SHLD1: variants seen among roughly 807,000 people sequenced by gnomAD.
The protein encoded by SHLD1 is shieldin complex subunit 1, also known as RINN1-REV7-interacting novel NHEJ regulator 3.
In SHLD1, 3 loss-of-function variants were observed where a neutral mutation model predicts 5.5. The ratio of observed to expected loss-of-function variants is 0.54; its 90% CI spans 0.25 to 1.40. The LOEUF is 1.40. Among genes scored for constraint, SHLD1 ranks in the 40% most tolerant of loss-of-function variants. The pLI is 0.15. For missense variants in SHLD1, 210 were observed against 244.4 expected (o/e 0.86, Z 0.94); for synonymous variants, 92 against 94.3 (o/e 0.98, Z 0.14).
chr20:5,778,270 C>G (rs113688418), intron 2 of SHLD1, among the ~76,000 whole-genome samples: 1,545 of 149,674 alleles, frequency 0.01, 25 homozygotes, highest in African/African-American at 0.037. Context: ...GTGCCCACCA[C>G]CATGCCTGGC....
chr20:5,808,265 C>CAAAAAAAAAAAAAA (rs993596036), intron 2 of SHLD1, among the ~76,000 whole-genome samples: 1 of 24,750 alleles, frequency 4.0e-5, no homozygotes, highest in Non-Finnish European at 9.7e-5. Context: ...GACTCCATCT[C>CAAAAAAAAAAAAAA]AAAAAAAAAA....
chr20:5,805,219 G>A lies in SHLD1; in HGVS notation c.178+32176G>A, dbSNP rs1226687676. 9.2e-5 allele frequency among the ~76,000 whole-genome samples: 14 copies of A among 152,144 alleles called. No homozygotes were observed. In the East Asian group the frequency reaches 1.7e-3, roughly 19 times the overall value. ...GTTGCCCAGGCTGGAGTGCAGTGGC[G>A]CGATCTCGGCTTGCCACGAACTCTG... is the stretch of plus-strand genomic sequence containing the variant. On this transcript the variant is annotated intron_variant, in intron 2 of 2. Transcript: ENST00000303142.
chr20:5,780,459 T>C (rs949199747), intron 2 of SHLD1, among the ~76,000 whole-genome samples: 2 of 152,094 alleles, frequency 1.3e-5, no homozygotes, highest in Non-Finnish European at 2.9e-5. Context: ...TGGCAGGCAG[T>C]GTGCAGGTGC....
intron 2 of SHLD1, among the ~76,000 whole-genome samples, chr20:5,798,309 C>CT (rs35636384): frequency 1.4e-4 from 21 of 146,912 alleles, no homozygotes; most frequent in African/African-American, 2.2e-4. Flanking sequence ...TCTCAGTTCT[C>CT]TTTTTTTTTT....
At chr20:5,768,279 C>T (rs763676281) in intron 1 of SHLD1, among the ~76,000 whole-genome samples, 2 of 152,082 alleles carry the variant, frequency 1.3e-5, no homozygotes, top group Non-Finnish European at 2.9e-5. Flanking sequence ...CCAGCCAATT[C>T]TTGACACTCA....
chr20:5,863,307 G>A lies in SHLD1; in HGVS notation c.462G>A (p.Arg154=). The A allele has an allele frequency of 1.9e-6, 3 of 1,614,110 alleles. No homozygotes were observed. Among genetic ancestry groups the A allele is most frequent in the Non-Finnish European group, 2.5e-6 (3 of 1,180,034 alleles). The change falls in exon 3 of 3, where the codon CGG becomes CGA. Residue 154 remains arginine, a synonymous_variant. Transcript: ENST00000303142. ...AAATGGCCCGGGTGATCTTCAACCG[G>A]GACGGCTGCTCCGTCTTACAGAGGC... ...SFQMARVIFN[R]DGCSVLQRHS...
chr20:5,775,989 G>A (rs369822422), intron 2 of SHLD1, among the ~76,000 whole-genome samples: 8 of 140,990 alleles, frequency 5.7e-5, no homozygotes, highest in South Asian at 2.3e-4. Flanking sequence ...GCACAGTGGC[G>A]TGATCTTGGC....
In SHLD1 at chr20:5,855,719, C is replaced by T. The variant is rs1324991521; in HGVS notation, c.179-7305C>T. On this transcript the variant is annotated intron_variant, in intron 2 of 2. Coordinates refer to ENST00000303142, the MANE Select transcript of SHLD1 (RefSeq NM_152504.4). The surrounding 1 kb of genome is among the most constrained non-coding windows in gnomAD (Gnocchi z 4.4). Reference sequence around the variant, plus strand: ...CATTTATCTGTTGATAGCTGGGTTGCTTCTAACTCTTGGCTAATGTGAATA... The same window carrying T: ...CATTTATCTGTTGATAGCTGGGTTGTTTCTAACTCTTGGCTAATGTGAATA... Among the ~76,000 whole-genome samples the T allele has an allele frequency of 1.3e-5, 2 of 152,162 alleles. No individual in the cohort carries two copies. The highest frequency in any genetic ancestry group is 1.5e-5 in the Non-Finnish European group (1 of 68,016).
chr20:5,781,671 G>T (rs1437036270), intron 2 of SHLD1, among the ~76,000 whole-genome samples: 48 of 152,182 alleles, frequency 3.2e-4, no homozygotes, highest in Admixed American at 2.7e-3. Flanking sequence ...TAGAGACAGG[G>T]TTTCACCATG....
At chr20:5,766,541 C>T (rs939224799) in intron 1 of SHLD1, among the ~76,000 whole-genome samples, 1 of 152,130 alleles carries the variant, frequency 6.6e-6, no homozygotes, top group Admixed American at 6.6e-5. Flanking sequence ...TTCATCCTAG[C>T]TTGGCTGCTT....
At chr20:5,850,149 A>AATAATT (rs1555777754) in intron 2 of SHLD1, among the ~76,000 whole-genome samples, 9 of 146,054 alleles carry the variant, frequency 6.2e-5, no homozygotes, top group African/African-American at 2.1e-4. Context: ...TAATAATAAT[A>AATAATT]ATTAACTGAG....
intron 2 of SHLD1, among the ~76,000 whole-genome samples, chr20:5,845,886 G>C (rs116549982): frequency 1.3e-5 from 2 of 152,294 alleles, no homozygotes; most frequent in South Asian, 2.1e-4. Context: ...ATAAGAGCTC[G>C]GCCCTTGGGG....
chr20:5,775,242 T>C (rs958884637), intron 2 of SHLD1, among the ~76,000 whole-genome samples: 6 of 151,978 alleles, frequency 3.9e-5, no homozygotes, highest in Non-Finnish European at 7.4e-5. Context: ...AGGGTCTTGC[T>C]GTGTTGCCCA....
chr20:5,813,991 C>G (rs2087494894), intron 2 of SHLD1, among the ~76,000 whole-genome samples: 1 of 113,898 alleles, frequency 8.8e-6, no homozygotes, highest in Non-Finnish European at 1.6e-5. Flanking sequence ...CTCACTCTGT[C>G]TCCCACGCTG....
chr20:5,830,536 A>G (rs545268516), intron 2 of SHLD1, among the ~76,000 whole-genome samples: 2 of 152,216 alleles, frequency 1.3e-5, no homozygotes, highest in African/African-American at 2.4e-5. Flanking sequence ...TAAAAATACA[A>G]AATTAGCCAG....
In SHLD1 at chr20:5,863,236, CAACT is replaced by C; in HGVS notation, c.394_397del (p.Leu132GlufsTer18). 1 of 1,614,204 alleles carries C rather than the reference CAACT, an allele frequency of 6.2e-7. No individual in the cohort carries two copies. Among genetic ancestry groups the C allele is most frequent in the Non-Finnish European group, 8.5e-7 (1 of 1,180,032 alleles). ...CAAGTGCCTGTCTCAGAAAATCACT[CAACT>C]AAGAGGCCAGGAGAGCCAAAAGTAT... On this transcript the variant is annotated frameshift_variant, in exon 3 of 3. Coordinates refer to ENST00000303142, the MANE Select transcript of SHLD1 (RefSeq NM_152504.4). LOFTEE classifies it low-confidence loss of function (END_TRUNC).
In SHLD1 at chr20:5,798,619, T is replaced by TA. The variant is rs202054879; in HGVS notation, c.178+25576_178+25577insA. Among the ~76,000 whole-genome samples the TA allele has an allele frequency of 3.9e-3, 84 of 21,538 alleles. 3 individuals carry two copies. The highest frequency in any genetic ancestry group is 0.017 in the East Asian group (4 of 238). 14.1% of individuals were successfully genotyped at this position (21,538 alleles called of 152,430 possible). A position where few individuals can be genotyped will look rare whatever the true frequency, so the allele number is the denominator to read the frequency against. On this transcript the variant is annotated intron_variant, in intron 2 of 2. Coordinates refer to ENST00000303142, the MANE Select transcript of SHLD1 (RefSeq NM_152504.4). ...GCCTGGCCTAACATTTTAGTTTTCT[T>TA]TTTTTTTTTTTTTTTTGAGACGGAG...
intron 2 of SHLD1, among the ~76,000 whole-genome samples, chr20:5,828,621 G>A (rs2087693158): frequency 6.6e-6 from 1 of 152,098 alleles, no homozygotes; most frequent in Admixed American, 6.5e-5. Context: ...AGTAATATTG[G>A]GGGAATTATT....
intron 2 of SHLD1, among the ~76,000 whole-genome samples, chr20:5,840,419 C>A (rs2087843692): frequency 6.6e-6 from 1 of 152,078 alleles, no homozygotes; most frequent in African/African-American, 2.4e-5. Flanking sequence ...TTTCCATAAA[C>A]CTTTGAATTC....
Sources: gnomAD v4.1 joint callset for allele counts (sites outside exome capture counted in the v4.1 genomes callset) on GRCh38, gnomAD v4.1.1 for gene constraint, Gnocchi (gnomAD v3.1) non-coding constraint, MANE v1.5 for transcripts, NCBI Gene and HGNC (gene_info 2026-07-23, HGNC 2026-07-21) for gene names.